Variants in NBEA observed in about 807,000 individuals in gnomAD.
NBEA encodes lysosomal-trafficking regulator 2.
NBEA carries 44 observed loss-of-function variants against 343.4 expected under a neutral mutation model. The ratio of observed to expected loss-of-function variants is 0.13; its 90% CI spans 0.10 to 0.16. The LOEUF (loss-of-function observed/expected upper bound fraction) is 0.16. Ranked by LOEUF, NBEA falls within the 10% of genes least tolerant of loss-of-function variation. The pLI is 1.00. For missense variants in NBEA, 2,555 were observed against 3,631.3 expected (o/e 0.70, Z 7.62); for synonymous variants, 1,175 against 1,238.7 (o/e 0.95, Z 1.08).
chr13:35,172,153 T>C (rs959377351), intron 26 of NBEA, among the ~76,000 whole-genome samples: 2 of 152,192 alleles, frequency 1.3e-5, no homozygotes, highest in East Asian at 1.9e-4. Flanking sequence ...GTTCCTGATA[T>C]GTACTGTTTT....
At position 35,105,421 on chromosome 13, in the gene NBEA, A is replaced by G. The variant is rs112636097; in HGVS notation, c.1681-3869A>G. ...TAATGTCATCAGAGACCCAGGTTTT[A>G]TCTATATCTCTGCTGTACCAGCTAC... is the stretch of plus-strand genomic sequence containing the variant. On this transcript the variant is annotated intron_variant, in intron 11 of 58. Coordinates refer to ENST00000379939, the MANE Select transcript of NBEA (RefSeq NM_001385012.1). 5.3e-3 allele frequency among the ~76,000 whole-genome samples: 804 copies of G among 152,148 alleles called. 2 individuals are homozygous for G. The highest frequency in any genetic ancestry group is 8.4e-3 in the Non-Finnish European group (574 of 67,950).
chr13:35,569,944 A>T (rs2080316333), intron 45 of NBEA, among the ~76,000 whole-genome samples: 1 of 152,252 alleles, frequency 6.6e-6, no homozygotes, highest in Non-Finnish European at 1.5e-5. Flanking sequence ...ATGTAGGAAA[A>T]AATGAGTTAA....
chr13:35,111,780 T>C (rs561290488), intron 13 of NBEA, among the ~76,000 whole-genome samples: 13 of 152,196 alleles, frequency 8.5e-5, no homozygotes, highest in Admixed American at 2.6e-4. Context: ...ATATTTTAAA[T>C]TTTTTTCAGG....
intron 34 of NBEA, among the ~76,000 whole-genome samples, chr13:35,254,691 T>G (rs1489685507): frequency 6.6e-6 from 1 of 152,144 alleles, no homozygotes; most frequent in Non-Finnish European, 1.5e-5. Flanking sequence ...TAAAAATTTT[T>G]TTTCAAGATA....
chr13:35,605,236 A>G (rs2082237463), intron 47 of NBEA, among the ~76,000 whole-genome samples: 1 of 152,192 alleles, frequency 6.6e-6, no homozygotes, highest in South Asian at 2.1e-4. Flanking sequence ...ATGAACATTT[A>G]TATTTTTCTT....
intron 31 of NBEA, among the ~76,000 whole-genome samples, chr13:35,206,614 T>A (rs558921900): frequency 6.6e-6 from 1 of 150,974 alleles, no homozygotes; most frequent in African/African-American, 2.5e-5. Flanking sequence ...TATAAGTAGA[T>A]GCCTTATATC....
At chr13:35,601,591 A>T (rs1593335802) in intron 47 of NBEA, among the ~76,000 whole-genome samples, 1 of 151,728 alleles carries the variant, frequency 6.6e-6, no homozygotes, top group African/African-American at 2.4e-5. Context: ...GTGAAACCCC[A>T]TCTCTACTAA....
chr13:35,390,363 G>T (rs2042443618), intron 38 of NBEA, among the ~76,000 whole-genome samples: 2 of 152,066 alleles, frequency 1.3e-5, no homozygotes. Context: ...AATCCATTTG[G>T]AACCAGACAC....
At chr13:35,054,722 C>T (rs1483535918) in intron 6 of NBEA, among the ~76,000 whole-genome samples, 1 of 148,846 alleles carries the variant, frequency 6.7e-6, no homozygotes, top group Non-Finnish European at 1.5e-5. Context: ...TGGCTCACTG[C>T]AACCTCTGCC....
intron 10 of NBEA, among the ~76,000 whole-genome samples, chr13:35,074,972 G>A (rs1232106564): frequency 1.3e-5 from 2 of 152,056 alleles, no homozygotes. Context: ...TCCAAGCCCT[G>A]TGTCCCTTTT....
chr13:35,619,198 C>G (rs2082870578), intron 48 of NBEA, among the ~76,000 whole-genome samples: 1 of 151,718 alleles, frequency 6.6e-6, no homozygotes, highest in Non-Finnish European at 1.5e-5. Context: ...TGTAGGAATT[C>G]AAAATATCAA....
chr13:35,418,501 TTG>T (rs1169532478), intron 38 of NBEA, among the ~76,000 whole-genome samples: 4 of 152,038 alleles, frequency 2.6e-5, no homozygotes, highest in African/African-American at 9.7e-5. Context: ...ATGCATGATG[TTG>T]TTTTACCACA....
At chr13:35,102,088 T>C (rs2065673980) in intron 11 of NBEA, among the ~76,000 whole-genome samples, 1 of 151,462 alleles carries the variant, frequency 6.6e-6, no homozygotes, top group Admixed American at 6.6e-5. Context: ...AGGGTCAAGG[T>C]TCTTTTTTTC....
At chr13:35,411,405 T>C (rs1439972567) in intron 38 of NBEA, among the ~76,000 whole-genome samples, 2 of 152,138 alleles carry the variant, frequency 1.3e-5, no homozygotes, top group Admixed American at 6.6e-5. Flanking sequence ...GATGAATTGT[T>C]GTAGATGATT....
At chr13:35,407,224 C>T (rs1252843148) in intron 38 of NBEA, among the ~76,000 whole-genome samples, 1 of 151,986 alleles carries the variant, frequency 6.6e-6, no homozygotes, top group Non-Finnish European at 1.5e-5. Context: ...CTCAGCCTCC[C>T]AAAGTGCTGG....
intron 38 of NBEA, among the ~76,000 whole-genome samples, chr13:35,429,047 G>A (rs2044910637): frequency 6.6e-6 from 1 of 152,140 alleles, no homozygotes; most frequent in African/African-American, 2.4e-5. Context: ...CTGTTTGTCA[G>A]CAGTGAAAGT....
chr13:35,058,282 T>C (rs1434710310), intron 7 of NBEA, among the ~76,000 whole-genome samples: 1 of 152,118 alleles, frequency 6.6e-6, no homozygotes, highest in Admixed American at 6.6e-5. Flanking sequence ...ATTTGAAAAA[T>C]AAAGTAGAAT....
At chr13:35,014,210 A>G (rs1189779066) in intron 1 of NBEA, among the ~76,000 whole-genome samples, 1 of 152,116 alleles carries the variant, frequency 6.6e-6, no homozygotes, top group Non-Finnish European at 1.5e-5. Flanking sequence ...TTGTTGTTCT[A>G]GTCACGTATT....
At chr13:35,174,166 C>T (rs374950256) in intron 27 of NBEA, among the ~76,000 whole-genome samples, 1 of 152,064 alleles carries the variant, frequency 6.6e-6, no homozygotes, top group Non-Finnish European at 1.5e-5. Flanking sequence ...ATACCATAGA[C>T]TTCATTCTGT....
Sources: allele counts gnomAD v4.1 joint callset (sites outside exome capture counted in the v4.1 genomes callset), GRCh38; gene constraint gnomAD v4.1.1; transcripts MANE v1.5; gene names NCBI Gene and HGNC (gene_info 2026-07-23, HGNC 2026-07-21).